Variants in FAM135B observed in about 807,000 individuals in gnomAD.
FAM135B encodes family with sequence similarity 135 member B.
Under a neutral mutation model 127.7 loss-of-function variants are expected in FAM135B, and 43 were observed. The ratio of observed to expected loss-of-function variants is 0.34; its 90% CI spans 0.26 to 0.43. The LOEUF (loss-of-function observed/expected upper bound fraction) is 0.43. Ranked by LOEUF, FAM135B falls within the 20% of genes least tolerant of loss-of-function variation. The probability of loss-of-function intolerance (pLI) is 1.00; values close to 1 mark genes in which losing one functional copy is unlikely to be tolerated. For missense variants in FAM135B, 1,558 were observed against 1,725.6 expected (o/e 0.90, Z 1.72); for synonymous variants, 670 against 665.1 (o/e 1.01, Z -0.11).
intron 7 of FAM135B, among the ~76,000 whole-genome samples, chr8:138,207,605 T>G (rs1398206528): frequency 6.6e-6 from 1 of 152,044 alleles, no homozygotes; most frequent in East Asian, 1.9e-4. Flanking sequence ...TTGCATAAGA[T>G]CCCACAGAGT....
intron 2 of FAM135B, among the ~76,000 whole-genome samples, chr8:138,338,334 G>A (rs1452844720): frequency 6.6e-6 from 1 of 151,676 alleles, no homozygotes; most frequent in African/African-American, 2.4e-5. Context: ...CCTACAAAAT[G>A]GGAGAAAATT....
chr8:138,418,669 A>G (rs920763705), intron 1 of FAM135B, among the ~76,000 whole-genome samples: 1 of 152,186 alleles, frequency 6.6e-6, no homozygotes, highest in African/African-American at 2.4e-5. Context: ...AAGAAATTCC[A>G]GCCAAGAATT....
chr8:138,217,895 C>T (rs1315623905), intron 7 of FAM135B, among the ~76,000 whole-genome samples: 3 of 152,114 alleles, frequency 2.0e-5, no homozygotes, highest in Admixed American at 6.5e-5. Flanking sequence ...ATGAAACAGC[C>T]ATGGGATGAA....
intron 3 of FAM135B, among the ~76,000 whole-genome samples, chr8:138,298,079 T>C (rs1030784907): frequency 6.6e-6 from 1 of 152,150 alleles, no homozygotes; most frequent in Admixed American, 6.6e-5. Context: ...TACACCTAAA[T>C]TTCCCCTTCT....
intron 5 of FAM135B, among the ~76,000 whole-genome samples, chr8:138,253,750 T>A (rs984203694): frequency 6.6e-6 from 1 of 152,188 alleles, no homozygotes; most frequent in African/African-American, 2.4e-5. Context: ...AGCTCTTCCG[T>A]CCCTCATATG....
chr8:138,442,393 G>A (rs1487162373), intron 1 of FAM135B, among the ~76,000 whole-genome samples: 6 of 151,074 alleles, frequency 4.0e-5, no homozygotes, highest in Admixed American at 1.3e-4. Context: ...TAATGAGCAC[G>A]TACTACTATG....
intron 9 of FAM135B, among the ~76,000 whole-genome samples, chr8:138,191,718 T>C (rs1032577599): frequency 3.3e-5 from 5 of 152,234 alleles, no homozygotes; most frequent in East Asian, 1.9e-4. Flanking sequence ...CAGGAAAACG[T>C]TGATCCTTTT....
At chr8:138,200,336 T>G (rs150971359) in intron 7 of FAM135B, among the ~76,000 whole-genome samples, 358 of 152,318 alleles carry the variant, frequency 2.4e-3, no homozygotes, top group African/African-American at 7.8e-3. Flanking sequence ...TTTCTACAAC[T>G]TTCCTATTAT....
intron 7 of FAM135B, among the ~76,000 whole-genome samples, chr8:138,220,344 C>T (rs988186022): frequency 6.6e-6 from 1 of 152,108 alleles, no homozygotes; most frequent in Admixed American, 6.5e-5. Context: ...AAGTACCACC[C>T]TCTCCTCTGG....
chr8:138,310,746 T>C (rs1826623562), intron 3 of FAM135B, 95 bp downstream of exon 3: 10 of 1,101,190 alleles, frequency 9.1e-6, no homozygotes, highest in Non-Finnish European at 1.3e-5. Flanking sequence ...ACTGAGTATG[T>C]CTACATGCCT....
intron 1 of FAM135B, among the ~76,000 whole-genome samples, chr8:138,405,203 CTTTTTTTTTCT>C (rs1304223121): frequency 3.4e-5 from 5 of 145,690 alleles, no homozygotes; most frequent in African/African-American, 1.1e-4. Flanking sequence ...TAGTAATATT[CTTTTTTTTTCT>C]TTTTTTTTTC....
chr8:138,440,414 A>G (rs1835693293), intron 1 of FAM135B: 1 of 151,672 alleles, frequency 6.6e-6, no homozygotes, highest in East Asian at 1.9e-4. Flanking sequence ...CTAGGACAAA[A>G]GTAAAATATG....
chr8:138,272,070 C>T (rs957459577), intron 3 of FAM135B, among the ~76,000 whole-genome samples: 1 of 151,724 alleles, frequency 6.6e-6, no homozygotes, highest in Non-Finnish European at 1.5e-5. Context: ...AACAACCACA[C>T]AGGCAATATG....
intron 7 of FAM135B, among the ~76,000 whole-genome samples, chr8:138,240,187 G>A (rs1257461937): frequency 1.3e-5 from 2 of 152,202 alleles, no homozygotes; most frequent in African/African-American, 4.8e-5. Context: ...AAGAGTGAAT[G>A]AGTTCCCCCA....
chr8:138,201,475 A>T (rs1425883400), intron 7 of FAM135B, among the ~76,000 whole-genome samples: 1 of 152,166 alleles, frequency 6.6e-6, no homozygotes, highest in South Asian at 2.1e-4. Flanking sequence ...TATAAACTAA[A>T]CAAAACAAAA....
intron 2 of FAM135B, among the ~76,000 whole-genome samples, chr8:138,329,266 A>G (rs1201817576): frequency 6.6e-6 from 1 of 152,224 alleles, no homozygotes. Context: ...TTTGTCACAG[A>G]AAAGATCTCT....
intron 2 of FAM135B, among the ~76,000 whole-genome samples, chr8:138,350,568 CAA>C (rs1035822626): frequency 3.3e-5 from 5 of 151,912 alleles, no homozygotes; most frequent in Non-Finnish European, 7.4e-5. Flanking sequence ...GTAAAAATCC[CAA>C]GAGAGAGATA....
chr8:138,306,311 T>C (rs895099339), intron 3 of FAM135B, among the ~76,000 whole-genome samples: 7 of 151,826 alleles, frequency 4.6e-5, no homozygotes, highest in Non-Finnish European at 1.0e-4. Context: ...GGCACACACC[T>C]GTAATCCCAG....
At chr8:138,370,951 G>A (rs1275528625) in intron 1 of FAM135B, among the ~76,000 whole-genome samples, 1 of 152,158 alleles carries the variant, frequency 6.6e-6, no homozygotes, top group Non-Finnish European at 1.5e-5. Flanking sequence ...ACTGTGTTAT[G>A]AAAACCAAGT....
Sources: gnomAD v4.1 joint callset for allele counts (sites outside exome capture counted in the v4.1 genomes callset) on GRCh38, gnomAD v4.1.1 for gene constraint, MANE v1.5 for transcripts, NCBI Gene and HGNC (gene_info 2026-07-23, HGNC 2026-07-21) for gene names.